Variants in PDE3A observed in about 807,000 individuals in gnomAD.
PDE3A encodes phosphodiesterase 3A.
Under a neutral mutation model 98.3 loss-of-function variants are expected in PDE3A, and 43 were observed. The observed-to-expected ratio is 0.44, with a 90% CI of 0.34 to 0.56. The LOEUF (loss-of-function observed/expected upper bound fraction) is 0.56, where lower values mean the gene tolerates loss of function less well. Among genes scored for constraint, PDE3A ranks in the 20% least tolerant of loss-of-function variants. The probability of loss-of-function intolerance (pLI) is 0.01; values close to 1 mark genes in which losing one functional copy is unlikely to be tolerated. For synonymous variants in PDE3A, 663 were observed against 567.9 expected (o/e 1.17, Z -2.38); for missense variants, 1,427 against 1,440.7 (o/e 0.99, Z 0.15).
At chr12:20,571,399 AT>A (rs1254511190) in intron 2 of PDE3A, among the ~76,000 whole-genome samples, 1 of 152,188 alleles carries the variant, frequency 6.6e-6, no homozygotes, top group Non-Finnish European at 1.5e-5. Context: ...AGCCATTTAC[AT>A]TATAGTGTAC....
chr12:20,519,268 A>C (rs1009748333), intron 1 of PDE3A, among the ~76,000 whole-genome samples: 1 of 152,206 alleles, frequency 6.6e-6, no homozygotes, highest in African/African-American at 2.4e-5. Context: ...GAACACCAGG[A>C]GTGGCCAAAT....
At chr12:20,500,768 CTTTT>C (rs61218707) in intron 1 of PDE3A, among the ~76,000 whole-genome samples, 3 of 133,352 alleles carry the variant, frequency 2.2e-5, no homozygotes, top group African/African-American at 2.7e-5. Flanking sequence ...TTCTTTCTTT[CTTTT>C]TTTTTTTTTT....
chr12:20,625,342 T>C (rs1944236885), intron 5 of PDE3A, among the ~76,000 whole-genome samples: 1 of 152,216 alleles, frequency 6.6e-6, no homozygotes, highest in African/African-American at 2.4e-5. Context: ...TTCCTTGAAT[T>C]TATCGTTACT....
chr12:20,424,475 A>C (rs963287475), intron 1 of PDE3A, among the ~76,000 whole-genome samples: 4 of 152,222 alleles, frequency 2.6e-5, no homozygotes, highest in African/African-American at 9.6e-5. Flanking sequence ...TAAGCTAAGA[A>C]TTTAAACATA....
intron 1 of PDE3A, among the ~76,000 whole-genome samples, chr12:20,519,438 A>T (rs149941293): frequency 1.2e-3 from 189 of 152,338 alleles, no homozygotes; most frequent in African/African-American, 4.2e-3. Flanking sequence ...TATATATCTC[A>T]ATTTTGATAT....
At chr12:20,556,744 G>T (rs377279002) in intron 2 of PDE3A, 34 bp downstream of exon 2, 36 of 1,517,398 alleles carry the variant, frequency 2.4e-5, no homozygotes, top group Non-Finnish European at 3.1e-5. Flanking sequence ...TTCACGTTTC[G>T]TTTCGTAACA....
chr12:20,419,674 C>A (rs908328311), intron 1 of PDE3A, among the ~76,000 whole-genome samples: 12 of 151,012 alleles, frequency 7.9e-5, no homozygotes, highest in African/African-American at 2.7e-4. Flanking sequence ...CAAATAAATG[C>A]ATTTACTTAA....
chr12:20,612,892 C>G (rs1943905279), intron 2 of PDE3A, among the ~76,000 whole-genome samples: 1 of 151,664 alleles, frequency 6.6e-6, no homozygotes, highest in Non-Finnish European at 1.5e-5. Context: ...CTATTCCAAC[C>G]AACAACAGGA....
intron 1 of PDE3A, among the ~76,000 whole-genome samples, chr12:20,389,102 A>C (rs1189123782): frequency 6.6e-6 from 1 of 152,040 alleles, no homozygotes; most frequent in Non-Finnish European, 1.5e-5. Flanking sequence ...ACTTTTACTC[A>C]ATCATTCCAC....
chr12:20,630,293 T>C (rs766466745), intron 6 of PDE3A, among the ~76,000 whole-genome samples, 166 bp downstream of exon 6: 57 of 152,226 alleles, frequency 3.7e-4, no homozygotes, highest in Non-Finnish European at 6.0e-4. Context: ...TAAAAACTTA[T>C]GTTTTAGTAG....
rs550696241 is a variant in PDE3A, at chr12:20,563,428, T to C, written c.1011+6718T>C. On this transcript the variant is annotated intron_variant, in intron 2 of 15. Transcript: ENST00000359062. ...GTTCCAAGGGATTAATGTGAGCAGA[T>C]TGGGAGCTCATTATTAGTCTCTCAA... 9.3e-5 allele frequency among the ~76,000 whole-genome samples: 4 copies of C among 42,982 alleles called. No individual in the cohort carries two copies. The South Asian group carries it at 7.1e-3, about 76-fold the overall frequency. 28.2% of individuals were successfully genotyped at this position (42,982 alleles called of 152,430 possible).
At chr12:20,448,594 T>C (rs955128633) in intron 1 of PDE3A, among the ~76,000 whole-genome samples, 1 of 152,184 alleles carries the variant, frequency 6.6e-6, no homozygotes, top group African/African-American at 2.4e-5. Context: ...TTTCAAAACA[T>C]GAATGGTTTC....
intron 1 of PDE3A, among the ~76,000 whole-genome samples, chr12:20,540,530 C>G (rs560014190): frequency 6.6e-6 from 1 of 152,144 alleles, no homozygotes; most frequent in African/African-American, 2.4e-5. Context: ...AATAGTCATT[C>G]CTTCATGACA....
chr12:20,473,220 T>C (rs1014061524), intron 1 of PDE3A, among the ~76,000 whole-genome samples: 3 of 152,152 alleles, frequency 2.0e-5, no homozygotes, highest in African/African-American at 7.2e-5. Context: ...TTGGTGCATA[T>C]TAGCCTCAAA....
intron 1 of PDE3A, among the ~76,000 whole-genome samples, chr12:20,436,844 A>G (rs1944786502): frequency 6.6e-6 from 1 of 152,162 alleles, no homozygotes. Flanking sequence ...TTTACATGTA[A>G]TTGCGAATTA....
chr12:20,573,992 C>G (rs1942868043), intron 2 of PDE3A, among the ~76,000 whole-genome samples: 1 of 152,054 alleles, frequency 6.6e-6, no homozygotes, highest in South Asian at 2.1e-4. Context: ...GCTTCTAAGC[C>G]TGCCTTATGT....
intron 1 of PDE3A, among the ~76,000 whole-genome samples, chr12:20,546,948 A>G (rs1164576569): frequency 6.6e-6 from 1 of 152,092 alleles, no homozygotes; most frequent in African/African-American, 2.4e-5. Flanking sequence ...CCAATTTTAT[A>G]CTAAAGGAAA....
At chr12:20,535,275 G>A (rs1452944474) in intron 1 of PDE3A, among the ~76,000 whole-genome samples, 1 of 152,098 alleles carries the variant, frequency 6.6e-6, no homozygotes, top group Non-Finnish European at 1.5e-5. Context: ...CCCAACTCAA[G>A]CATTACATGC....
At chr12:20,378,224 G>A (rs1262887292) in intron 1 of PDE3A, among the ~76,000 whole-genome samples, 2 of 151,544 alleles carry the variant, frequency 1.3e-5, no homozygotes, top group African/African-American at 4.8e-5. Flanking sequence ...AGTTCACTCC[G>A]GTTTGCAATT....
Sources: gnomAD v4.1 joint callset for allele counts (sites outside exome capture counted in the v4.1 genomes callset) on GRCh38, gnomAD v4.1.1 for gene constraint, MANE v1.5 for transcripts, NCBI Gene and HGNC (gene_info 2026-07-23, HGNC 2026-07-21) for gene names.